The following IGF2R variants were observed in gnomAD, a reference collection of about 807,000 sequenced individuals.
The protein encoded by IGF2R is cation-independent mannose-6-phosphate receptor.
Under a neutral mutation model 270.6 loss-of-function variants are expected in IGF2R, and 91 were observed. The observed-to-expected ratio is 0.34, with a 90% CI of 0.28 to 0.40. The LOEUF is 0.40. Ranked by LOEUF, IGF2R falls within the 10% of genes least tolerant of loss-of-function variation. IGF2R has a pLI of 1.00. For missense variants in IGF2R, 2,805 were observed against 3,188.3 expected (o/e 0.88, Z 2.90); for synonymous variants, 1,316 against 1,258.9 (o/e 1.05, Z -0.96).
rs1234310036 is a variant in IGF2R, at chr6:160,065,804, GTGTGTGTGTGTATATATA to G, written c.4115+905_4115+922del. On this transcript the variant is annotated intron_variant, in intron 29 of 47. Transcript: ENST00000356956. ...TGTATGTGTGTGTGTGTGTGTGTGT[GTGTGTGTGTGTATATATA>G]TATATATATATATATATATATATGT... Among the ~76,000 whole-genome samples, 154 of 61,530 alleles carry G rather than the reference GTGTGTGTGTGTATATATA, an allele frequency of 2.5e-3. 2 individuals carry two copies. Among genetic ancestry groups the G allele is most frequent in the African/African-American group, 0.01 (148 of 14,402 alleles). 40.4% of individuals were successfully genotyped at this position (61,530 alleles called of 152,430 possible).
chr6:159,972,500 C>G (rs1783625403), intron 1 of IGF2R, among the ~76,000 whole-genome samples: 1 of 152,172 alleles, frequency 6.6e-6, no homozygotes, highest in African/African-American at 2.4e-5. Context: ...CTCATTGTCT[C>G]TAAAAGATGG....
intron 20 of IGF2R, among the ~76,000 whole-genome samples, chr6:160,057,519 C>T (rs1778341114): frequency 6.6e-6 from 1 of 152,178 alleles, no homozygotes; most frequent in African/African-American, 2.4e-5. Flanking sequence ...GACAATGTTT[C>T]TGGGGCTGTG....
At chr6:159,991,365 T>G (rs1399650906) in intron 2 of IGF2R, 42 bp downstream of exon 2, 2 of 1,587,166 alleles carry the variant, frequency 1.3e-6, no homozygotes, top group Non-Finnish European at 1.7e-6. Context: ...GCAATATGAT[T>G]CCCCAATTTT....
In IGF2R at chr6:159,985,013, A is replaced by G. The variant is rs181092373; in HGVS notation, c.150-6171A>G. On this transcript the variant is annotated intron_variant, in intron 1 of 47. Transcript: ENST00000356956. ...ACCGTATTCCTGGTTCCAGGCCTCT[A>G]CTGGGGGTCTTGTATCTGTGATTAC... Among the ~76,000 whole-genome samples the G allele has an allele frequency of 3.9e-3, 601 of 152,292 alleles. 2 individuals are homozygous for G. Among genetic ancestry groups the G allele is most frequent in the African/African-American group, 0.012 (515 of 41,554 alleles).
At chr6:160,062,065 G>C in intron 25 of IGF2R, 137 bp downstream of exon 25, 1 of 743,232 alleles carries the variant, frequency 1.3e-6, no homozygotes, top group Non-Finnish European at 2.2e-6. Flanking sequence ...AGGGTTTGAC[G>C]AGAATGCACT....
chr6:160,093,728 C>T, intron 44 of IGF2R: 1 of 758,478 alleles, frequency 1.3e-6, no homozygotes. Context: ...ACCTGAACCA[C>T]TCAACAGCCG....
Position 160,088,955 on chromosome 6 carries a change from G to A in IGF2R, c.6321-152G>A, listed in dbSNP as rs769419774. The A allele has an allele frequency of 1.0e-4, 68 of 673,682 alleles. 1 individual carries two copies. In the Middle Eastern group the frequency reaches 2.9e-3, roughly 29 times the overall value. 41.7% of individuals were successfully genotyped at this position (673,682 alleles called of 1,614,324 possible). Reference sequence around the variant, plus strand: ...TCTGCCTAGGCCTGCGCAGCCCGGGGAGTGGGGGCCTCGGGACCCAACTGA... The same window carrying A: ...TCTGCCTAGGCCTGCGCAGCCCGGGAAGTGGGGGCCTCGGGACCCAACTGA... On this transcript the variant is annotated intron_variant, in intron 42 of 47. Transcript: ENST00000356956.
intron 2 of IGF2R, among the ~76,000 whole-genome samples, chr6:159,999,454 T>C (rs1277496956): frequency 6.6e-6 from 1 of 152,168 alleles, no homozygotes; most frequent in African/African-American, 2.4e-5. Context: ...CCAGAGCCTG[T>C]GTACTCACTC....
At chr6:159,970,805 G>T (rs553882172) in intron 1 of IGF2R, among the ~76,000 whole-genome samples, 1 of 152,220 alleles carries the variant, frequency 6.6e-6, no homozygotes. Flanking sequence ...TCGCCTGGGC[G>T]CGGTGGCTCA....
chr6:160,001,184 G>C (rs532358076), intron 2 of IGF2R, among the ~76,000 whole-genome samples: 202 of 152,220 alleles, frequency 1.3e-3, no homozygotes, highest in African/African-American at 4.6e-3. Flanking sequence ...ATTTACAGCC[G>C]CTCCCCATTG....
Position 160,075,953 on chromosome 6 carries a change from A to G in IGF2R, c.5273A>G (p.Tyr1758Cys). Residue 1758 changes from tyrosine to cysteine, a missense_variant, in exon 36 of 48, where the codon TAC becomes TGC. Physicochemically the swap from Tyr to Cys is radical, Grantham distance 194. Coordinates refer to ENST00000356956, the MANE Select transcript of IGF2R (RefSeq NM_000876.4). ...TGCTTAGCGGACAAGCATTTCAACTACACCTCGCTCATCGCGTTTCACTGT... is the reference window on the plus strand; with the variant it reads ...TGCTTAGCGGACAAGCATTTCAACTGCACCTCGCTCATCGCGTTTCACTGT... ...TPCLADKHFN[Y>C]TSLIAFHCKR... The G allele has an allele frequency of 6.2e-7, 1 of 1,614,228 alleles. No individual in the cohort carries two copies. The highest frequency in any genetic ancestry group is 2.2e-5 in the East Asian group (1 of 44,890).
intron 7 of IGF2R, 49 bp downstream of exon 7, chr6:160,029,704 T>A (rs1374555580): frequency 7.2e-7 from 1 of 1,393,650 alleles, no homozygotes; most frequent in East Asian, 2.3e-5. Flanking sequence ...GTAGCCTGGG[T>A]TGCCCATGCG....
At position 160,085,128 on chromosome 6, in the gene IGF2R, A is replaced by G. The variant is rs374103856; in HGVS notation, c.6202A>G (p.Ile2068Val). The G allele has an allele frequency of 6.2e-7, 1 of 1,613,174 alleles. No individual in the cohort carries two copies. Among genetic ancestry groups the G allele is most frequent in the Non-Finnish European group, 8.5e-7 (1 of 1,179,800 alleles). The change falls in exon 41 of 48, where the codon ATA becomes GTA. Residue 2068 changes from isoleucine to valine, a missense_variant. This residue lies in a region of IGF2R where 1,851 missense variants were observed against 2,207.2 expected (regional missense o/e 0.84). Transcript: ENST00000356956. ...CGTTCACACGCAGAAGCTGGGTGTCATAGGTAAGGCCTGTGGGTCCTGGTC... is the reference window on the plus strand; with the variant it reads ...CGTTCACACGCAGAAGCTGGGTGTCGTAGGTAAGGCCTGTGGGTCCTGGTC... ...GLVHTQKLGV[I>V]GDKVVVTYSK...
chr6:160,086,504 T>G (rs2114727386), intron 41 of IGF2R, among the ~76,000 whole-genome samples: 1 of 152,288 alleles, frequency 6.6e-6, no homozygotes, highest in East Asian at 1.9e-4. Context: ...ATCCACTCCA[T>G]GGGGCAGCGT....
At chr6:160,009,553 GGA>G (rs1784301193) in intron 3 of IGF2R, among the ~76,000 whole-genome samples, 1 of 152,036 alleles carries the variant, frequency 6.6e-6, no homozygotes, top group Non-Finnish European at 1.5e-5. Flanking sequence ...CATCTATTTA[GGA>G]GAAGCCTTGG....
chr6:160,009,986 C>A (rs8191734), intron 3 of IGF2R, among the ~76,000 whole-genome samples: 65,989 of 151,440 alleles, frequency 0.44, 14,812 homozygotes, highest in East Asian at 0.69. Flanking sequence ...TATTGAGACC[C>A]AAAAAAGAAT....
intron 5 of IGF2R, among the ~76,000 whole-genome samples, chr6:160,026,155 C>A (rs1371907070): frequency 6.6e-6 from 1 of 152,146 alleles, no homozygotes; most frequent in Non-Finnish European, 1.5e-5. Context: ...CTTTGGTATA[C>A]CAAGTGGATT....
intron 29 of IGF2R, among the ~76,000 whole-genome samples, chr6:160,067,618 G>C (rs1778613617): frequency 6.6e-6 from 1 of 152,174 alleles, no homozygotes; most frequent in African/African-American, 2.4e-5. Flanking sequence ...CTGCCGCTGA[G>C]GTGGCATCTG....
chr6:160,103,589 A>C (rs1779542655), intron 46 of IGF2R, among the ~76,000 whole-genome samples, 157 bp from the exon 47 acceptor site: 1 of 150,202 alleles, frequency 6.7e-6, no homozygotes, highest in Non-Finnish European at 1.5e-5. Context: ...GGTATATATA[A>C]CCTGTCACGG....
Sources: gnomAD v4.1 joint callset for allele counts (sites outside exome capture counted in the v4.1 genomes callset) on GRCh38, gnomAD v4.1.1 for gene constraint, gnomAD v4.1.1 regional missense constraint, MANE v1.5 for transcripts, NCBI Gene and HGNC (gene_info 2026-07-23, HGNC 2026-07-21) for gene names.